The following FRMD4A variants were observed in gnomAD, a reference collection of about 807,000 sequenced individuals.
FRMD4A encodes FERM domain containing 4A, also known as FERM domain-containing protein 4A.
In FRMD4A, 29 loss-of-function variants were observed where a neutral mutation model predicts 129.1. The observed-to-expected ratio is 0.22, with a 90% CI of 0.17 to 0.31. The LOEUF (loss-of-function observed/expected upper bound fraction) is 0.31, where lower values mean the gene tolerates loss of function less well. Among genes scored for constraint, FRMD4A ranks in the 10% least tolerant of loss-of-function variants. The pLI is 1.00. For missense variants in FRMD4A, 1,272 were observed against 1,375.8 expected (o/e 0.92, Z 1.19); for synonymous variants, 634 against 571.6 (o/e 1.11, Z -1.56).
chr10:13,692,894 T>TC (rs1169691424), intron 15 of FRMD4A: 1 of 151,192 alleles, frequency 6.6e-6, no homozygotes, highest in Non-Finnish European at 1.5e-5. Context: ...TGAAACAGGG[T>TC]CTTGCTCTGT....
Position 14,260,372 on chromosome 10 carries a change from T to A in FRMD4A, c.45+69686A>T, listed in dbSNP as rs114753302. On this transcript the variant is annotated intron_variant, in intron 2 of 24. Transcript: ENST00000357447. ...AGAGAAAGACTGTCCAGTCTGCAAATATTGACACCACATGGTGGCTGTGTC... is the reference window on the plus strand; with the variant it reads ...AGAGAAAGACTGTCCAGTCTGCAAAAATTGACACCACATGGTGGCTGTGTC... 9.4e-3 allele frequency among the ~76,000 whole-genome samples: 1,432 copies of A among 152,234 alleles called. 25 individuals are homozygous for A. The highest frequency in any genetic ancestry group is 0.033 in the African/African-American group (1,372 of 41,540).
At chr10:13,917,070 G>A (rs2095017288) in intron 2 of FRMD4A, among the ~76,000 whole-genome samples, 1 of 152,096 alleles carries the variant, frequency 6.6e-6, no homozygotes, top group South Asian at 2.1e-4. Flanking sequence ...AATATAGCAG[G>A]GATGACATAC....
Position 13,930,548 on chromosome 10 carries a change from G to GTGGTGT in FRMD4A, c.46-71642_46-71637dup, listed in dbSNP as rs1159982276. Among the ~76,000 whole-genome samples, 12 of 152,314 alleles carry GTGGTGT rather than the reference G, an allele frequency of 7.9e-5. No homozygotes were observed. The East Asian group carries it at 2.3e-3, about 29-fold the overall frequency. On this transcript the variant is annotated intron_variant, in intron 2 of 24. Coordinates refer to ENST00000357447, the MANE Select transcript of FRMD4A (RefSeq NM_018027.5). ...TTTGAATGAGATATGGTTTGTCCCT[G>GTGGTGT]TGGTGTTGAAAATGATTCTCTCTAA...
At chr10:14,261,835 A>G (rs1174429039) in intron 2 of FRMD4A, among the ~76,000 whole-genome samples, 1 of 151,920 alleles carries the variant, frequency 6.6e-6, no homozygotes, top group Non-Finnish European at 1.5e-5. Context: ...GTCTCTTAAT[A>G]CTTACTCTAG....
chr10:14,174,885 G>GTC (rs1222002359), intron 2 of FRMD4A, among the ~76,000 whole-genome samples: 4 of 116,374 alleles, frequency 3.4e-5, no homozygotes, highest in African/African-American at 1.1e-4. Flanking sequence ...GTGTCTGTGT[G>GTC]TGTGTGTGTG....
At chr10:14,180,455 C>A (rs143326138) in intron 2 of FRMD4A, among the ~76,000 whole-genome samples, 266 of 152,310 alleles carry the variant, frequency 1.7e-3, no homozygotes, top group Middle Eastern at 0.017. Flanking sequence ...GAAAGATACA[C>A]CCACGCTAGT....
intron 2 of FRMD4A, among the ~76,000 whole-genome samples, chr10:13,859,352 C>T (rs532931969): frequency 1.3e-5 from 2 of 152,214 alleles, no homozygotes; most frequent in East Asian, 3.9e-4. Flanking sequence ...CCACTGCACT[C>T]CAGCCTGGGC....
chr10:13,659,585 G>A (rs1363002836), intron 20 of FRMD4A, 95 bp from the exon 21 acceptor site: 7 of 1,286,630 alleles, frequency 5.4e-6, no homozygotes, highest in Non-Finnish European at 2.2e-6. Context: ...AGCATGTGGG[G>A]AAAGCTCGCC....
intron 2 of FRMD4A, among the ~76,000 whole-genome samples, chr10:13,977,544 C>T (rs2095546298): frequency 6.6e-6 from 1 of 152,162 alleles, no homozygotes; most frequent in South Asian, 2.1e-4. Context: ...TTAAAATGTA[C>T]AATTCAGTGG....
At chr10:14,300,976 G>T (rs765685982) in intron 2 of FRMD4A, among the ~76,000 whole-genome samples, 2 of 152,152 alleles carry the variant, frequency 1.3e-5, no homozygotes, top group Admixed American at 1.3e-4. Flanking sequence ...GGAGCTTTGG[G>T]CCATGTTGTA....
At chr10:14,209,410 A>G (rs1842874240) in intron 2 of FRMD4A, among the ~76,000 whole-genome samples, 1 of 152,160 alleles carries the variant, frequency 6.6e-6, no homozygotes, top group African/African-American at 2.4e-5. Context: ...AGATGTGATC[A>G]TCTTGGATTA....
intron 2 of FRMD4A, among the ~76,000 whole-genome samples, chr10:14,128,279 T>G (rs1839038388): frequency 6.6e-6 from 1 of 151,766 alleles, no homozygotes; most frequent in Admixed American, 6.6e-5. Context: ...AATTTTTATT[T>G]ATTTTGTAAA....
chr10:14,263,212 C>T (rs554443535), intron 2 of FRMD4A, among the ~76,000 whole-genome samples: 235 of 152,296 alleles, frequency 1.5e-3, no homozygotes, highest in Non-Finnish European at 2.6e-3. Context: ...CATGACAGCC[C>T]GGTGGCCCAG....
intron 2 of FRMD4A, among the ~76,000 whole-genome samples, chr10:14,021,721 A>T (rs1832764690): frequency 6.6e-6 from 1 of 152,226 alleles, no homozygotes; most frequent in Admixed American, 6.5e-5. Flanking sequence ...TGGTGGTTAC[A>T]CAGGGTGTTC....
chr10:13,762,444 C>T (rs1273432982), intron 7 of FRMD4A, among the ~76,000 whole-genome samples, 180 bp downstream of exon 7: 1 of 152,140 alleles, frequency 6.6e-6, no homozygotes, highest in Non-Finnish European at 1.5e-5. Flanking sequence ...ATACTACAAG[C>T]CCCTGTTTAT....
Position 13,679,474 on chromosome 10 carries a change from T to TATATATATATATACACACAC in FRMD4A, c.1118-4431_1118-4430insGTGTGTGTATATATATATAT, listed in dbSNP as rs1308155926. Among the ~76,000 whole-genome samples the TATATATATATATACACACAC allele has an allele frequency of 2.9e-4, 9 of 31,466 alleles. 1 individual carries two copies. Among genetic ancestry groups the TATATATATATATACACACAC allele is most frequent in the Non-Finnish European group, 4.2e-4 (8 of 19,216 alleles). 20.6% of individuals were successfully genotyped at this position (31,466 alleles called of 152,430 possible). A position where few individuals can be genotyped will look rare whatever the true frequency, so the allele number is the denominator to read the frequency against. ...AAAAAAAAAAAAATATATATATATA[T>TATATATATATATACACACAC]ACACACACACACACACACACACACA... On this transcript the variant is annotated intron_variant, in intron 15 of 24. Transcript: ENST00000357447.
chr10:13,810,415 T>C (rs2093425460), intron 4 of FRMD4A, among the ~76,000 whole-genome samples: 1 of 152,214 alleles, frequency 6.6e-6, no homozygotes, highest in African/African-American at 2.4e-5. Context: ...TATTTTCATT[T>C]TGAATTTATC....
At chr10:14,192,431 T>A (rs1842346722) in intron 2 of FRMD4A, among the ~76,000 whole-genome samples, 1 of 152,244 alleles carries the variant, frequency 6.6e-6, no homozygotes, top group Admixed American at 6.5e-5. Context: ...TCAGGAAATA[T>A]ACATTCACAT....
chr10:13,971,009 C>T (rs574999296), intron 2 of FRMD4A, among the ~76,000 whole-genome samples: 24 of 152,240 alleles, frequency 1.6e-4, no homozygotes, highest in South Asian at 4.1e-4. Context: ...AGGATCTTCC[C>T]GCCTTGCCTC....
Sources: allele counts gnomAD v4.1 joint callset (sites outside exome capture counted in the v4.1 genomes callset), GRCh38; gene constraint gnomAD v4.1.1; transcripts MANE v1.5; gene names NCBI Gene and HGNC (gene_info 2026-07-23, HGNC 2026-07-21).